Variants in ZNF236 observed in about 807,000 individuals in gnomAD.
The protein encoded by ZNF236 is regulated by glucose.
Under a neutral mutation model 191.2 loss-of-function variants are expected in ZNF236, and 50 were observed. That is an observed-to-expected ratio of 0.26 (90% CI 0.21 to 0.33). ZNF236 has a LOEUF of 0.33. Among genes scored for constraint, ZNF236 ranks in the 10% least tolerant of loss-of-function variants. ZNF236 has a pLI of 1.00. For missense variants in ZNF236, 1,754 were observed against 2,374.5 expected (o/e 0.74, Z 5.43); for synonymous variants, 907 against 928.8 (o/e 0.98, Z 0.43).
intron 16 of ZNF236, among the ~76,000 whole-genome samples, 186 bp downstream of exon 16, chr18:76,910,997 A>G (rs1967203689): frequency 6.6e-6 from 1 of 152,228 alleles, no homozygotes; most frequent in East Asian, 1.9e-4. Flanking sequence ...CTTTTTCCTT[A>G]AAACATTTTA....
chr18:76,893,347 A>G (rs1056830516), intron 9 of ZNF236, among the ~76,000 whole-genome samples: 1 of 152,214 alleles, frequency 6.6e-6, no homozygotes, highest in East Asian at 1.9e-4. Context: ...TTTATGCACT[A>G]TCACCACAAA....
intron 11 of ZNF236, among the ~76,000 whole-genome samples, chr18:76,902,545 C>T (rs12957245): frequency 0.45 from 67,927 of 151,580 alleles, 17,083 homozygotes; most frequent in Non-Finnish European, 0.57. Context: ...GTGGTAGGCA[C>T]GGACTGGATG....
Position 76,927,510 on chromosome 18 carries a change from C to T in ZNF236, c.4407C>T (p.Asn1469=), listed in dbSNP as rs749267612. ...LSEQDSVLTT[N]SSGTQDLTQV... The stretch of plus-strand genomic sequence containing the variant: ...AGCAGGATTCAGTGCTGACCACTAA[C>T]AGCAGTGGTAAGAGCCACTCACTTT... Residue 1469 remains asparagine (N), a synonymous_variant, in exon 24 of 31, where the codon AAC becomes AAT. Transcript: ENST00000320610. The surrounding 1 kb of genome is among the most constrained non-coding windows in gnomAD (Gnocchi z 5.4). 2 of 1,613,818 alleles carry T rather than the reference C, an allele frequency of 1.2e-6. No individual in the cohort carries two copies. The highest frequency in any genetic ancestry group is 8.5e-7 in the Non-Finnish European group (1 of 1,179,928).
rs1198416969 is a variant in ZNF236 at position 76,895,226 on chromosome 18, A to G, written c.1631A>G (p.Tyr544Cys). 1.2e-6 allele frequency: 2 copies of G among 1,600,624 alleles called. No individual in the cohort carries two copies. The highest frequency in any genetic ancestry group is 8.5e-7 in the Non-Finnish European group (1 of 1,179,950). Residue 544 changes from tyrosine (Y) to cysteine (C), a missense_variant, in exon 10 of 31, where the codon TAC becomes TGC. Transcript: ENST00000320610. ...GGCATCAAGGCGTTCAAGTGCCAGT[A>G]CTGCATGAAGAGCTTCTCCACCTCT... ...HTGIKAFKCQ[Y>C]CMKSFSTSGS...
intron 27 of ZNF236, among the ~76,000 whole-genome samples, chr18:76,949,470 G>T (rs1483237592): frequency 6.6e-6 from 1 of 151,890 alleles, no homozygotes; most frequent in African/African-American, 2.4e-5. Context: ...TAAAAATGAG[G>T]TAGATAACCA....
At chr18:76,959,233 G>A (rs923787300) in intron 28 of ZNF236, among the ~76,000 whole-genome samples, 2 of 152,224 alleles carry the variant, frequency 1.3e-5, no homozygotes, top group African/African-American at 4.8e-5. Context: ...GGTCCCAGCT[G>A]GGTGCCGCAG....
intron 1 of ZNF236, among the ~76,000 whole-genome samples, chr18:76,848,979 C>T (rs1023644440): frequency 1.3e-5 from 2 of 152,168 alleles, no homozygotes; most frequent in Non-Finnish European, 2.9e-5. Flanking sequence ...TTTACTTAAT[C>T]TTGTTTTGCA....
rs1235853294 is a variant in ZNF236 at position 76,969,421 on chromosome 18, G to A, written c.*1082G>A. On this transcript the variant is annotated 3_prime_UTR_variant, in exon 31 of 31. Coordinates refer to ENST00000320610, the MANE Select transcript of ZNF236 (RefSeq NM_001306089.2). ...ATTTTTCCTTTGAAATTATTTATAT[G>A]TTCTATATATAAATACATATGTACA... 1 of 152,526 alleles carries A rather than the reference G, an allele frequency of 6.6e-6. No homozygotes were observed. Among genetic ancestry groups the A allele is most frequent in the African/African-American group, 2.4e-5 (1 of 41,408 alleles). The allele number at this position is 152,526 out of a possible 1,614,324, so 9.4% of individuals were successfully genotyped here.
rs1474314102 is a variant in ZNF236 at position 76,875,754 on chromosome 18, A to AT, written c.840+93dup. On this transcript the variant is annotated intron_variant, in intron 6 of 30. Coordinates refer to ENST00000320610, the MANE Select transcript of ZNF236 (RefSeq NM_001306089.2). The surrounding 1 kb of genome is among the most constrained non-coding windows in gnomAD (Gnocchi z 4.3). The stretch of plus-strand genomic sequence containing the variant: ...AAACGGACCTGAGAAATTCTTTTCC[A>AT]TTTAAAAAAATGCAGATTGATTTTG... The AT allele has an allele frequency of 7.9e-7, 1 of 1,266,508 alleles. No individual in the cohort carries two copies. The highest frequency in any genetic ancestry group is 1.0e-6 in the Non-Finnish European group (1 of 981,768). The allele number at this position is 1,266,508 out of a possible 1,614,324, so 78.5% of individuals were successfully genotyped here.
intron 1 of ZNF236, among the ~76,000 whole-genome samples, chr18:76,837,855 C>T (rs891845980): frequency 6.6e-6 from 1 of 152,184 alleles, no homozygotes; most frequent in African/African-American, 2.4e-5. Context: ...TATGTGTTTA[C>T]TTCTGAACTC....
At chr18:76,941,664 G>C (rs1226248964) in intron 26 of ZNF236, among the ~76,000 whole-genome samples, 1 of 152,182 alleles carries the variant, frequency 6.6e-6, no homozygotes, top group Non-Finnish European at 1.5e-5. Context: ...GTCTTCTGGA[G>C]CCTGTGTCTA....
At position 76,937,355 on chromosome 18, in the gene ZNF236, T is replaced by G; in HGVS notation, c.4782+12T>G. The G allele has an allele frequency of 6.3e-7, 1 of 1,584,548 alleles. No individual in the cohort carries two copies. The highest frequency in any genetic ancestry group is 8.6e-7 in the Non-Finnish European group (1 of 1,158,030). On this transcript the variant is annotated intron_variant, in intron 26 of 30. Transcript: ENST00000320610. ...ACATCACCTCTCAGGCAAGTGCTCC[T>G]CAGAGAGGGATGCGAAGGTCCTTTC...
At chr18:76,826,754 C>T (rs1449998772) in intron 1 of ZNF236, among the ~76,000 whole-genome samples, 1 of 147,020 alleles carries the variant, frequency 6.8e-6, no homozygotes, top group Non-Finnish European at 1.5e-5. Context: ...GAGCTGAGGT[C>T]GCGCCACTGC....
chr18:76,968,270 G>T lies in ZNF236; in HGVS notation c.5475G>T (p.Arg1825=). The change falls in exon 31 of 31, where the codon CGG becomes CGT. Residue 1825 remains arginine, a synonymous_variant. Transcript: ENST00000320610. ...HPEQDGEELS[R]TLHLEEVVQE... ...AGCAGGACGGGGAGGAGCTGAGCCG[G>T]ACCCTCCACCTGGAGGAGGTGGTGC... 1.2e-6 allele frequency: 2 copies of T among 1,611,892 alleles called. No individual in the cohort carries two copies. The highest frequency in any genetic ancestry group is 1.7e-6 in the Non-Finnish European group (2 of 1,179,422).
chr18:76,909,983 C>T (rs1034811627), intron 14 of ZNF236, 85 bp from the exon 15 acceptor site: 75 of 980,866 alleles, frequency 7.6e-5, no homozygotes, highest in Non-Finnish European at 1.1e-4. Flanking sequence ...TTTGAAAACT[C>T]GCCGAAGTGT....
At chr18:76,908,620 T>C (rs1427624859) in intron 14 of ZNF236, 47 bp downstream of exon 14, 1 of 1,559,880 alleles carries the variant, frequency 6.4e-7, no homozygotes, top group Non-Finnish European at 8.7e-7. Context: ...AGCAGAGTTT[T>C]GCAGCCTTTC....
At chr18:76,876,642 G>A (rs1039280760) in intron 6 of ZNF236, among the ~76,000 whole-genome samples, 1 of 152,198 alleles carries the variant, frequency 6.6e-6, no homozygotes, top group Non-Finnish European at 1.5e-5. Flanking sequence ...CTAAGACCCA[G>A]AGACATTAGG....
intron 1 of ZNF236, among the ~76,000 whole-genome samples, chr18:76,829,420 C>T (rs1029494251): frequency 2.0e-5 from 3 of 151,686 alleles, no homozygotes; most frequent in South Asian, 2.1e-4. Flanking sequence ...CTCTGCCTCC[C>T]GGACTCAAGC....
Position 76,908,481 on chromosome 18 carries a change from C to A in ZNF236, c.2459C>A (p.Ala820Asp). 2 of 1,614,146 alleles carry A rather than the reference C, an allele frequency of 1.2e-6. No homozygotes were observed. Among genetic ancestry groups the A allele is most frequent in the Non-Finnish European group, 1.7e-6 (2 of 1,180,048 alleles). The part of the protein sequence containing the change: ...TAEVVAANPE[A>D]MLDLEPQHVV... ...GAGGTGGTCGCAGCGAACCCCGAGG[C>A]CATGCTGGACCTGGAGCCTCAGCAT... Residue 820 changes from alanine (A) to aspartate (D), a missense_variant, in exon 14 of 31, where the codon GCC becomes GAC. By Grantham distance (126) the Ala-to-Asp change is moderately radical (BLOSUM62 -2). Around this residue, in one of 5 missense-constraint regions of ZNF236, gnomAD observed 641 missense variants for 869.6 expected, o/e 0.74. Coordinates refer to ENST00000320610, the MANE Select transcript of ZNF236 (RefSeq NM_001306089.2).
Sources: gnomAD v4.1 joint callset for allele counts (sites outside exome capture counted in the v4.1 genomes callset) on GRCh38, gnomAD v4.1.1 for gene constraint, gnomAD v4.1.1 regional missense constraint, Gnocchi (gnomAD v3.1) non-coding constraint, MANE v1.5 for transcripts, NCBI Gene and HGNC (gene_info 2026-07-23, HGNC 2026-07-21) for gene names.